RFX4: variants seen among roughly 807,000 people sequenced by gnomAD.
The protein encoded by RFX4 is transcription factor RFX4.
RFX4 carries 10 observed loss-of-function variants against 95.0 expected under a neutral mutation model. The ratio of observed to expected loss-of-function variants is 0.11; its 90% CI spans 0.06 to 0.18. The LOEUF (loss-of-function observed/expected upper bound fraction) is 0.18. RFX4 is among the 10% of genes least tolerant of loss of function. The pLI is 1.00. For missense variants in RFX4, 640 were observed against 922.0 expected, an observed-to-expected ratio of 0.69 and a Z score of 3.96; for synonymous variants, 321 against 340.7, an observed-to-expected ratio of 0.94 and a Z score of 0.64.
At chr12:106,698,254 G>A (rs2041919341) in intron 8 of RFX4, among the ~76,000 whole-genome samples, 1 of 151,942 alleles carries the variant, frequency 6.6e-6, no homozygotes, top group South Asian at 2.1e-4. Context: ...GATTACAGAC[G>A]TGAGCCCCCT....
chr12:106,737,203 G>A (rs1226093191), intron 15 of RFX4, among the ~76,000 whole-genome samples: 4 of 49,000 alleles, frequency 8.2e-5, no homozygotes, highest in African/African-American at 3.0e-4. Flanking sequence ...TTTTTTTTTT[G>A]AGGACCAAAT....
At chr12:106,724,256 G>C (rs182966740) in intron 13 of RFX4, among the ~76,000 whole-genome samples, 16 of 152,308 alleles carry the variant, frequency 1.1e-4, no homozygotes, top group Admixed American at 2.6e-4. Flanking sequence ...CTGCAATGTA[G>C]GTAATAATAG....
At chr12:106,608,723 A>G in intron 1 of RFX4, 74 bp from the exon 2 acceptor site, 1 of 1,367,356 alleles carries the variant, frequency 7.3e-7, no homozygotes, top group Non-Finnish European at 9.9e-7. Flanking sequence ...GTCTCTTCAC[A>G]AACACCCACA....
At chr12:106,656,470 T>C (rs2040959469) in intron 4 of RFX4, among the ~76,000 whole-genome samples, 1 of 152,194 alleles carries the variant, frequency 6.6e-6, no homozygotes, top group African/African-American at 2.4e-5. Flanking sequence ...GAAGCCTCTG[T>C]GATCCTAGTA....
chr12:106,685,097 C>A (rs969009071), intron 5 of RFX4, among the ~76,000 whole-genome samples: 38 of 151,800 alleles, frequency 2.5e-4, no homozygotes, highest in African/African-American at 8.7e-4. Flanking sequence ...GCGAGGTCCA[C>A]GGATGACCTA....
intron 4 of RFX4, among the ~76,000 whole-genome samples, chr12:106,677,154 G>A (rs2041408293): frequency 6.6e-6 from 1 of 152,214 alleles, no homozygotes; most frequent in Non-Finnish European, 1.5e-5. Flanking sequence ...GAACCCGGGT[G>A]AGCCTGACTC....
At chr12:106,752,201 T>C (rs2043020006) in intron 17 of RFX4, among the ~76,000 whole-genome samples, 1 of 150,522 alleles carries the variant, frequency 6.6e-6, no homozygotes, top group Non-Finnish European at 1.5e-5. Flanking sequence ...GGGAATCCTT[T>C]CCCCATTGCT....
intron 4 of RFX4, among the ~76,000 whole-genome samples, chr12:106,675,567 T>G (rs1157451361): frequency 1.3e-5 from 2 of 152,220 alleles, no homozygotes; most frequent in Non-Finnish European, 2.9e-5. Context: ...CCACAATGTA[T>G]ACATATTTCA....
intron 3 of RFX4, among the ~76,000 whole-genome samples, chr12:106,644,223 A>G (rs1432554267): frequency 7.0e-6 from 1 of 143,294 alleles, no homozygotes; most frequent in Non-Finnish European, 1.5e-5. Flanking sequence ...TAATGTTGCC[A>G]TTTCCCCTTT....
chr12:106,758,623 G>A (rs1041290032), intron 17 of RFX4, among the ~76,000 whole-genome samples: 1 of 152,194 alleles, frequency 6.6e-6, no homozygotes, highest in Non-Finnish European at 1.5e-5. Flanking sequence ...GAGGCCAGGT[G>A]AGAATTCTAA....
intron 1 of RFX4, among the ~76,000 whole-genome samples, chr12:106,607,450 GTTA>G (rs977068359): frequency 1.7e-4 from 26 of 151,314 alleles, no homozygotes; most frequent in African/African-American, 2.4e-4. Context: ...CAGCCTGTGA[GTTA>G]TTATGAAGTG....
intron 1 of RFX4, among the ~76,000 whole-genome samples, chr12:106,595,652 A>G (rs1329250923): frequency 6.6e-6 from 1 of 152,218 alleles, no homozygotes; most frequent in Non-Finnish European, 1.5e-5. Context: ...CACATCATCA[A>G]GGGCTTCATT....
At chr12:106,596,124 T>C (rs1378185036) in intron 1 of RFX4, among the ~76,000 whole-genome samples, 1 of 152,210 alleles carries the variant, frequency 6.6e-6, no homozygotes, top group Non-Finnish European at 1.5e-5. Flanking sequence ...GGTTTGGCTC[T>C]GTGTGCCCAC....
At chr12:106,756,523 C>T (rs2043111354) in intron 17 of RFX4, among the ~76,000 whole-genome samples, 1 of 151,696 alleles carries the variant, frequency 6.6e-6, no homozygotes, top group African/African-American at 2.4e-5. Context: ...ACAAAGTTTG[C>T]TTAGGGCACT....
chr12:106,686,203 G>A (rs1283209387), intron 5 of RFX4, among the ~76,000 whole-genome samples: 1 of 152,162 alleles, frequency 6.6e-6, no homozygotes, highest in Non-Finnish European at 1.5e-5. Flanking sequence ...ATGAGGTCAG[G>A]AGTTTGAGAC....
At chr12:106,668,381 C>T (rs185964266) in intron 4 of RFX4, among the ~76,000 whole-genome samples, 2 of 152,246 alleles carry the variant, frequency 1.3e-5, no homozygotes, top group Non-Finnish European at 2.9e-5. Flanking sequence ...CATTGGCTGC[C>T]TTTGGCTATC....
chr12:106,638,912 G>T (rs140330945), intron 2 of RFX4, among the ~76,000 whole-genome samples: 1,616 of 152,262 alleles, frequency 0.011, 15 homozygotes, highest in Admixed American at 0.018. Flanking sequence ...ATCATCATCT[G>T]GGGGATTAGG....
At chr12:106,725,777 CAAAATAGCATGG>C in intron 13 of RFX4, among the ~76,000 whole-genome samples, 1 of 151,738 alleles carries the variant, frequency 6.6e-6, no homozygotes, top group East Asian at 1.9e-4. Flanking sequence ...AATGAAAGCA[CAAAATAGCATGG>C]TAGAAATAAA....
intron 11 of RFX4, 120 bp from the exon 12 acceptor site, chr12:106,719,840 G>T: frequency 1.3e-6 from 1 of 747,624 alleles, no homozygotes; most frequent in Non-Finnish European, 2.3e-6. Flanking sequence ...CTAAGACCTT[G>T]GAGTTTTATT....
Sources: gnomAD v4.1 joint callset for allele counts (sites outside exome capture counted in the v4.1 genomes callset) on GRCh38, gnomAD v4.1.1 for gene constraint, MANE v1.5 for transcripts, NCBI Gene and HGNC (gene_info 2026-07-23, HGNC 2026-07-21) for gene names.